ZNF672: variants seen among roughly 807,000 people sequenced by gnomAD.
The protein encoded by ZNF672 is zinc finger protein 672.
For synonymous variants in ZNF672, 358 were observed against 305.6 expected, an observed-to-expected ratio of 1.17 and a Z score of -1.79; for missense variants, 733 against 701.1, an observed-to-expected ratio of 1.05 and a Z score of -0.51.
chr1:248,849,396 G>A lies in ZNF672; in HGVS notation c.*763G>A. 1.9e-5 allele frequency: 6 copies of A among 308,360 alleles called. No homozygotes were observed. The highest frequency in any genetic ancestry group is 1.9e-4 in the South Asian group (6 of 31,172). 19.1% of individuals were successfully genotyped at this position (308,360 alleles called of 1,614,324 possible). ...GCACAAAGCCAGGCACTGCCAAGTG[G>A]AACATGAGGTTATTTCCAAATCATG... On this transcript the variant is annotated 3_prime_UTR_variant, in exon 4 of 4. Transcript: ENST00000306562.
intron 1 of ZNF672, among the ~76,000 whole-genome samples, chr1:248,842,494 A>G (rs1664695456): frequency 6.6e-6 from 1 of 152,072 alleles, no homozygotes; most frequent in South Asian, 2.1e-4. Context: ...ACCCGAGATC[A>G]GGGAGAATAA....
At position 248,847,757 on chromosome 1, in the gene ZNF672, A is replaced by C; in HGVS notation, c.483A>C (p.Pro161=). The C allele has an allele frequency of 1.3e-6, 2 of 1,486,772 alleles. No homozygotes were observed. Among genetic ancestry groups the C allele is most frequent in the Non-Finnish European group, 1.8e-6 (2 of 1,119,872 alleles). The allele number at this position is 1,486,772 out of a possible 1,614,324, so 92.1% of individuals were successfully genotyped here. A position where few individuals can be genotyped will look rare whatever the true frequency, so the allele number is the denominator to read the frequency against. Residue 161 remains proline (P), a synonymous_variant, in exon 4 of 4, where the codon CCA becomes CCC. Coordinates refer to ENST00000306562, the MANE Select transcript of ZNF672 (RefSeq NM_024836.3). The stretch of plus-strand genomic sequence containing the variant: ...GGACAACCTCTGACCCTGCTGCCCC[A>C]CCCCACCGCTGCGCGCAGTGCCCGC... The part of the protein sequence containing the change: ...PLGTTSDPAA[P]PHRCAQCPRA...
Position 248,847,450 on chromosome 1 carries a change from C to T in ZNF672, c.176C>T (p.Ala59Val). 2 of 1,590,762 alleles carry T rather than the reference C, an allele frequency of 1.3e-6. No individual in the cohort carries two copies. Among genetic ancestry groups the T allele is most frequent in the Middle Eastern group, 1.7e-4 (1 of 6,030 alleles). The change falls in exon 4 of 4, where the codon GCG becomes GTG. Residue 59 changes from alanine to valine, a missense_variant. Physicochemically the swap from Ala to Val is moderately conservative, Grantham distance 64 (BLOSUM62 0). Transcript: ENST00000306562. ...TGTGCACGGGCTGCTGACCTCCGAG[C>T]GCACAGGCGCACGCATGCTGGCCAG... is the stretch of plus-strand genomic sequence containing the variant. ...ERCARAADLR[A>V]HRRTHAGQTL...
rs1010198230 is a variant in ZNF672 at position 248,847,635 on chromosome 1, C to G, written c.361C>G (p.Gln121Glu). Residue 121 changes from glutamine to glutamate, a missense_variant, in exon 4 of 4, where the codon CAG becomes GAG. Physicochemically the swap from Gln to Glu is conservative, Grantham distance 29. Transcript: ENST00000306562. ...LPALLLHRRRQHLPERPRRCP... is the reference protein window; with the variant it reads ...LPALLLHRRREHLPERPRRCP... ...GGCGCTGCTGCTACACCGGCGCCGCCAGCATCTGCCAGAGCGGCCCCGCCG... is the reference window on the plus strand; with the variant it reads ...GGCGCTGCTGCTACACCGGCGCCGCGAGCATCTGCCAGAGCGGCCCCGCCG... 3 of 1,516,454 alleles carry G rather than the reference C, an allele frequency of 2.0e-6. No individual in the cohort carries two copies. The African/African-American group carries it at 4.2e-5, about 21-fold the overall frequency. The allele number at this position is 1,516,454 out of a possible 1,614,324, so 93.9% of individuals were successfully genotyped here.
intron 1 of ZNF672, among the ~76,000 whole-genome samples, chr1:248,840,104 T>G (rs919113065): frequency 6.6e-6 from 1 of 151,236 alleles, no homozygotes; most frequent in African/African-American, 2.4e-5. Flanking sequence ...TAATTTATTT[T>G]TTTGAGATGG....
rs1433057243 is a variant in ZNF672, at chr1:248,849,187, G to A, written c.*554G>A. 4.6e-6 allele frequency: 2 copies of A among 432,872 alleles called. No individual in the cohort carries two copies. The highest frequency in any genetic ancestry group is 9.6e-6 in the Non-Finnish European group (2 of 208,638). 26.8% of individuals were successfully genotyped at this position (432,872 alleles called of 1,614,324 possible). A position where few individuals can be genotyped will look rare whatever the true frequency, so the allele number is the denominator to read the frequency against. On this transcript the variant is annotated 3_prime_UTR_variant, in exon 4 of 4. Transcript: ENST00000306562. ...GGTGGGTGGGAAAGCTCACTTCCAT[G>A]AAGGATGTCTCCATGCTAGGAGCTG...
chr1:248,846,669 G>A (rs1169832806), intron 3 of ZNF672, among the ~76,000 whole-genome samples: 1 of 152,174 alleles, frequency 6.6e-6, no homozygotes, highest in Non-Finnish European at 1.5e-5. Context: ...TAGTCTAAAC[G>A]CAGGGGACTT....
intron 3 of ZNF672, among the ~76,000 whole-genome samples, chr1:248,846,812 T>C (rs1455893387): frequency 6.6e-6 from 1 of 152,114 alleles, no homozygotes; most frequent in Non-Finnish European, 1.5e-5. Context: ...AAATGCAAGC[T>C]CCCCTTTGAA....
rs777536331 is a variant in ZNF672 at position 248,848,715 on chromosome 1, G to C, written c.*82G>C. The C allele has an allele frequency of 6.8e-7, 1 of 1,480,240 alleles. No individual in the cohort carries two copies. The highest frequency in any genetic ancestry group is 9.0e-7 in the Non-Finnish European group (1 of 1,114,210). 91.7% of individuals were successfully genotyped at this position (1,480,240 alleles called of 1,614,324 possible). A position where few individuals can be genotyped will look rare whatever the true frequency, so the allele number is the denominator to read the frequency against. On this transcript the variant is annotated 3_prime_UTR_variant, in exon 4 of 4. Coordinates refer to ENST00000306562, the MANE Select transcript of ZNF672 (RefSeq NM_024836.3). ...ATCACGGGGACAGTTGAGGCAACTC[G>C]TAGATGGAGATTTGGGAAAAGACGA... is the stretch of plus-strand genomic sequence containing the variant.
rs1308781586 is a variant in ZNF672, at chr1:248,847,659, C to T, written c.385C>T (p.Arg129Cys). 1.3e-6 allele frequency: 2 copies of T among 1,495,412 alleles called. No homozygotes were observed. Among genetic ancestry groups the T allele is most frequent in the East Asian group, 2.5e-5 (1 of 39,456 alleles). The allele number at this position is 1,495,412 out of a possible 1,614,324, so 92.6% of individuals were successfully genotyped here. The change falls in exon 4 of 4, where the codon CGC (arginine) becomes TGC (cysteine). Residue 129 changes from arginine to cysteine, a missense_variant. Physicochemically the swap from Arg to Cys is radical, Grantham distance 180 (BLOSUM62 -3). Coordinates refer to ENST00000306562, the MANE Select transcript of ZNF672 (RefSeq NM_024836.3). ...RRQHLPERPR[R>C]CPLCARTFRQ... The stretch of plus-strand genomic sequence containing the variant: ...CCAGCATCTGCCAGAGCGGCCCCGC[C>T]GCTGCCCGCTGTGCGCCCGCACCTT...
chr1:248,843,340 C>T (rs916213954), intron 1 of ZNF672, among the ~76,000 whole-genome samples: 2 of 152,166 alleles, frequency 1.3e-5, no homozygotes, highest in South Asian at 4.1e-4. Context: ...TTCTGAGAGT[C>T]GCAGTGAGAG....
chr1:248,844,266 A>G (rs555967503), intron 1 of ZNF672, among the ~76,000 whole-genome samples: 78 of 152,222 alleles, frequency 5.1e-4, no homozygotes, highest in African/African-American at 1.9e-3. Context: ...AAATGCTTGA[A>G]AGGTACTTAT....
Position 248,847,296 on chromosome 1 carries a change from G to C in ZNF672, c.22G>C (p.Val8Leu), listed in dbSNP as rs1428447469. The C allele has an allele frequency of 3.1e-6, 5 of 1,602,600 alleles. No individual in the cohort carries two copies. Among genetic ancestry groups the C allele is most frequent in the Non-Finnish European group, 4.3e-6 (5 of 1,170,154 alleles). MFATSGAVAAGKPYSCSE... is the reference protein window; with the variant it reads MFATSGALAAGKPYSCSE... ...CACCATGTTTGCCACATCTGGGGCA[G>C]TGGCAGCGGGGAAGCCTTACTCGTG... The change falls in exon 4 of 4, where the codon GTG becomes CTG. Residue 8 changes from valine to leucine, a missense_variant. Val to Leu is a conservative substitution (Grantham distance 32). Transcript: ENST00000306562.
chr1:248,847,380 C>T lies in ZNF672; in HGVS notation c.106C>T (p.His36Tyr). 1 of 1,608,540 alleles carries T rather than the reference C, an allele frequency of 6.2e-7. No homozygotes were observed. Among genetic ancestry groups the T allele is most frequent in the African/African-American group, 1.3e-5 (1 of 74,964 alleles). The change falls in exon 4 of 4, where the codon CAC (histidine) becomes TAC (tyrosine). Residue 36 changes from histidine (H) to tyrosine (Y), a missense_variant. By Grantham distance (83) the His-to-Tyr change is moderately conservative (BLOSUM62 2). Coordinates refer to ENST00000306562, the MANE Select transcript of ZNF672 (RefSeq NM_024836.3). ...SSVLLRHERA[H>Y]GGDGRFRCLE... is the part of the protein sequence containing the mutation. Reference sequence around the variant, plus strand: ...AGTGCTGCTGCGACATGAACGAGCTCACGGCGGTGACGGCCGCTTCCGTTG... The same window carrying T: ...AGTGCTGCTGCGACATGAACGAGCTTACGGCGGTGACGGCCGCTTCCGTTG...
Position 248,847,966 on chromosome 1 carries a change from A to T in ZNF672, c.692A>T (p.Glu231Val). ...GGGGAGAAACCCTTCAAGTGCCCGG[A>T]GTGCGGCAAGGGCTTCCTGGAGAGC... ...HSGEKPFKCP[E>V]CGKGFLESAT... Residue 231 changes from glutamate to valine, a missense_variant, in exon 4 of 4, where the codon GAG becomes GTG. Glu to Val is a moderately radical substitution (Grantham distance 121). Coordinates refer to ENST00000306562, the MANE Select transcript of ZNF672 (RefSeq NM_024836.3). The T allele has an allele frequency of 6.4e-7, 1 of 1,564,490 alleles. No individual in the cohort carries two copies. The highest frequency in any genetic ancestry group is 8.7e-7 in the Non-Finnish European group (1 of 1,155,968).
At chr1:248,843,345 T>C (rs539477763) in intron 1 of ZNF672, among the ~76,000 whole-genome samples, 22 of 152,294 alleles carry the variant, frequency 1.4e-4, no homozygotes, top group African/African-American at 4.3e-4. Context: ...AGAGTCGCAG[T>C]GAGAGAAGGT....
chr1:248,848,145 G>A lies in ZNF672; in HGVS notation c.871G>A (p.Gly291Ser), dbSNP rs201677826. Residue 291 changes from glycine to serine, a missense_variant, in exon 4 of 4, where the codon GGT becomes AGT. Coordinates refer to ENST00000306562, the MANE Select transcript of ZNF672 (RefSeq NM_024836.3). ...RPHACATCGK[G>S]FGQRSDLVVH... ...ACATGCGTGCGCCACTTGCGGCAAG[G>A]GTTTCGGGCAGCGCTCCGACCTGGT... 2.8e-4 allele frequency: 438 copies of A among 1,582,160 alleles called. 1 individual carries two copies. Among genetic ancestry groups the A allele is most frequent in the Middle Eastern group, 1.5e-3 (9 of 6,052 alleles).
At chr1:248,844,439 G>A (rs1389349481) in intron 1 of ZNF672, 44 bp from the exon 2 acceptor site, 1 of 152,168 alleles carries the variant, frequency 6.6e-6, no homozygotes, top group Non-Finnish European at 1.5e-5. Context: ...GGATGATCTA[G>A]AAGTCAGTCT....
At position 248,847,768 on chromosome 1, in the gene ZNF672, G is replaced by C; in HGVS notation, c.494G>C (p.Cys165Ser). The change falls in exon 4 of 4, where the codon TGC becomes TCC. Residue 165 changes from cysteine (C) to serine (S), a missense_variant. Coordinates refer to ENST00000306562, the MANE Select transcript of ZNF672 (RefSeq NM_024836.3). ...TSDPAAPPHRCAQCPRAFRSG... is the reference protein window; with the variant it reads ...TSDPAAPPHRSAQCPRAFRSG... ...GACCCTGCTGCCCCACCCCACCGCTGCGCGCAGTGCCCGCGAGCCTTCCGA... is the reference window on the plus strand; with the variant it reads ...GACCCTGCTGCCCCACCCCACCGCTCCGCGCAGTGCCCGCGAGCCTTCCGA... The C allele has an allele frequency of 1.3e-6, 2 of 1,516,670 alleles. No homozygotes were observed. Among genetic ancestry groups the C allele is most frequent in the Non-Finnish European group, 1.8e-6 (2 of 1,133,544 alleles). 94.0% of individuals were successfully genotyped at this position (1,516,670 alleles called of 1,614,324 possible). A position where few individuals can be genotyped will look rare whatever the true frequency, so the allele number is the denominator to read the frequency against.
Sources: allele counts gnomAD v4.1 joint callset (sites outside exome capture counted in the v4.1 genomes callset), GRCh38; gene constraint gnomAD v4.1.1; transcripts MANE v1.5; gene names NCBI Gene and HGNC (gene_info 2026-07-23, HGNC 2026-07-21).